Variants in ABTB2 observed in about 807,000 individuals in gnomAD.
The protein encoded by ABTB2 is ankyrin repeat and BTB domain containing 2, also known as ankyrin repeat and BTB/POZ domain-containing protein 2.
A neutral mutation model predicts 104.1 loss-of-function variants in ABTB2; 56 were observed. The ratio of observed to expected loss-of-function variants is 0.54; its 90% CI spans 0.43 to 0.67. ABTB2 has a LOEUF of 0.67. ABTB2 is among the 30% of genes least tolerant of loss of function. ABTB2 has a pLI of 0.00. For synonymous variants in ABTB2, 606 were observed against 608.2 expected, an observed-to-expected ratio of 1.00 and a Z score of 0.05; for missense variants, 1,279 against 1,407.7, an observed-to-expected ratio of 0.91 and a Z score of 1.46.
intron 3 of ABTB2, among the ~76,000 whole-genome samples, chr11:34,178,446 C>T (rs1852983557): frequency 6.6e-6 from 1 of 152,174 alleles, no homozygotes; most frequent in African/African-American, 2.4e-5. Context: ...TTCTGGAAAA[C>T]CCCTTTAAAA....
intron 1 of ABTB2, among the ~76,000 whole-genome samples, chr11:34,207,007 C>G (rs2926460): frequency 0.27 from 41,432 of 152,200 alleles, 5,764 homozygotes; most frequent in East Asian, 0.38. Context: ...GGCTCTCCCC[C>G]GCAGCCCCCT....
In ABTB2 at chr11:34,165,406, C is replaced by T. The variant is rs763633200; in HGVS notation, c.1756-50G>A. 2.6e-6 allele frequency: 4 copies of T among 1,515,400 alleles called. No individual in the cohort carries two copies. In the South Asian group the frequency reaches 3.7e-5, roughly 14 times the overall value. The allele number at this position is 1,515,400 out of a possible 1,614,324, so 93.9% of individuals were successfully genotyped here. On this transcript the variant is annotated intron_variant, in intron 7 of 16. Transcript: ENST00000435224. ...GCACTGCTCAGCGTGGCAGGGAGCA[C>T]CTGGGAAGGGCCAGGGTGCTTTCGG...
chr11:34,301,380 G>A (rs569808132), intron 1 of ABTB2, among the ~76,000 whole-genome samples: 27 of 152,226 alleles, frequency 1.8e-4, no homozygotes, highest in African/African-American at 4.1e-4. Flanking sequence ...TAGATATTTC[G>A]AATGATCACT....
chr11:34,260,588 T>C (rs1207894954), intron 1 of ABTB2, among the ~76,000 whole-genome samples: 1 of 152,198 alleles, frequency 6.6e-6, no homozygotes, highest in African/African-American at 2.4e-5. Context: ...ATAAATTGTA[T>C]TGATAAGGGA....
intron 1 of ABTB2, among the ~76,000 whole-genome samples, chr11:34,308,868 C>CAAAAAAAAAAAAAAAA (rs57658114): frequency 2.4e-4 from 19 of 77,768 alleles, no homozygotes; most frequent in South Asian, 5.7e-4. Flanking sequence ...GAAACTGTCT[C>CAAAAAAAAAAAAAAAA]AAAAAAAAAA....
At chr11:34,242,871 T>C (rs1853936527) in intron 1 of ABTB2, among the ~76,000 whole-genome samples, 1 of 152,104 alleles carries the variant, frequency 6.6e-6, no homozygotes, top group South Asian at 2.1e-4. Flanking sequence ...AGCTGAACCT[T>C]AGAGAAGTCC....
At chr11:34,158,198 A>G (rs1852655829) in intron 14 of ABTB2, among the ~76,000 whole-genome samples, 1 of 152,204 alleles carries the variant, frequency 6.6e-6, no homozygotes, top group Non-Finnish European at 1.5e-5. Context: ...GTGGATCACA[A>G]GGTTAGAAGA....
intron 1 of ABTB2, among the ~76,000 whole-genome samples, chr11:34,285,704 G>C (rs980991715): frequency 2.0e-5 from 3 of 152,142 alleles, no homozygotes; most frequent in Non-Finnish European, 4.4e-5. Flanking sequence ...GCTGGGTAGC[G>C]CTCTCCAACC....
intron 1 of ABTB2, among the ~76,000 whole-genome samples, chr11:34,217,414 C>A (rs564726611): frequency 6.6e-6 from 1 of 152,150 alleles, no homozygotes. Context: ...TCTTAATAAA[C>A]CTGCTATAAA....
At chr11:34,282,930 A>T (rs7110214) in intron 1 of ABTB2, among the ~76,000 whole-genome samples, 2 of 150,346 alleles carry the variant, frequency 1.3e-5, no homozygotes, top group African/African-American at 2.5e-5. Context: ...TTTTTTTGAG[A>T]TGGAGTCTCG....
chr11:34,167,708 C>T (rs542477252), intron 6 of ABTB2, among the ~76,000 whole-genome samples, 195 bp downstream of exon 6: 4 of 152,228 alleles, frequency 2.6e-5, no homozygotes, highest in Non-Finnish European at 5.9e-5. Flanking sequence ...TCAGTCCACT[C>T]CTTTTCAGAC....
At chr11:34,168,057 G>C in intron 5 of ABTB2, 65 bp from the exon 6 acceptor site, 1 of 1,513,286 alleles carries the variant, frequency 6.6e-7, no homozygotes, top group African/African-American at 1.4e-5. Flanking sequence ...GTGCCCACAG[G>C]CCTCTGCCCC....
intron 3 of ABTB2, among the ~76,000 whole-genome samples, chr11:34,195,075 C>CGGGGGGGGGGG (rs1461939590): frequency 5.5e-5 from 1 of 18,072 alleles, no homozygotes; most frequent in Non-Finnish European, 2.0e-4. Context: ...AGATGCCCGG[C>CGGGGGGGGGGG]GGGGGGGGGG....
intron 1 of ABTB2, among the ~76,000 whole-genome samples, chr11:34,262,850 G>T (rs1854204638): frequency 1.3e-5 from 2 of 152,162 alleles, no homozygotes; most frequent in South Asian, 4.1e-4. Flanking sequence ...TGCCCAGGAG[G>T]TCAGTACCCA....
chr11:34,336,653 A>AAAAC (rs925899140), intron 1 of ABTB2, among the ~76,000 whole-genome samples: 3 of 151,984 alleles, frequency 2.0e-5, no homozygotes, highest in Non-Finnish European at 2.9e-5. Context: ...AAAAAAAAAC[A>AAAAC]AAACAAACAA....
At chr11:34,291,455 G>A (rs1708324528) in intron 1 of ABTB2, among the ~76,000 whole-genome samples, 1 of 152,134 alleles carries the variant, frequency 6.6e-6, no homozygotes, top group South Asian at 2.1e-4. Flanking sequence ...CTTCGGCGTG[G>A]GGCACAGGAC....
intron 1 of ABTB2, among the ~76,000 whole-genome samples, chr11:34,264,209 G>A (rs1044605761): frequency 3.3e-5 from 5 of 152,330 alleles, no homozygotes; most frequent in African/African-American, 1.2e-4. Context: ...AGTATAGTGA[G>A]CAGTCTCGAG....
Position 34,164,683 on chromosome 11 carries a change from T to C in ABTB2, c.1988+3A>G. ...ACACAGGGTGGGAATCCCGGGCAGG[T>C]ACCTGTGGCCGTGGGCAGCTGAGTG... On this transcript the variant is annotated splice_donor_region_variant and intron_variant, in intron 9 of 16. Coordinates refer to ENST00000435224, the MANE Select transcript of ABTB2 (RefSeq NM_145804.3). The C allele has an allele frequency of 6.6e-7, 1 of 1,504,812 alleles. No homozygotes were observed. Among genetic ancestry groups the C allele is most frequent in the African/African-American group, 1.5e-5 (1 of 68,496 alleles). 93.2% of individuals were successfully genotyped at this position (1,504,812 alleles called of 1,614,324 possible).
chr11:34,339,751 A>G (rs781143714), intron 1 of ABTB2, among the ~76,000 whole-genome samples: 1 of 152,192 alleles, frequency 6.6e-6, no homozygotes, highest in Non-Finnish European at 1.5e-5. Flanking sequence ...TTCCCTACAT[A>G]TGATTCCAAG....
Sources: allele counts gnomAD v4.1 joint callset (sites outside exome capture counted in the v4.1 genomes callset), GRCh38; gene constraint gnomAD v4.1.1; transcripts MANE v1.5; gene names NCBI Gene and HGNC (gene_info 2026-07-23, HGNC 2026-07-21).